The following POLR2E variants were observed in gnomAD, a reference collection of about 807,000 sequenced individuals.
POLR2E encodes the protein DNA-directed RNA polymerases I, II, and III subunit RPABC1.
In POLR2E, 35 loss-of-function variants were observed where a neutral mutation model predicts 29.8. That is an observed-to-expected ratio of 1.17 (90% confidence interval 0.90 to 1.55). The LOEUF is 1.55. Ranked by LOEUF, POLR2E falls within the 40% of genes most tolerant of loss-of-function variation. POLR2E has a pLI of 0.00. For missense variants in POLR2E, 287 were observed against 288.6 expected, an observed-to-expected ratio of 0.99 and a Z score of 0.04; for synonymous variants, 174 against 112.6, an observed-to-expected ratio of 1.55 and a Z score of -3.45.
rs2043920539 is a variant in POLR2E, at chr19:1,095,375, T to C, written c.-60A>G. On this transcript the variant is annotated 5_prime_UTR_variant, in exon 1 of 8. Transcript: ENST00000615234. ...TCTCCGCGCGAGAACCCGCGCGGAC[T>C]GCGCCTGCGCCGAATCCGAATCAGG... The C allele has an allele frequency of 1.9e-6, 3 of 1,599,436 alleles. No homozygotes were observed. The highest frequency in any genetic ancestry group is 2.6e-6 in the Non-Finnish European group (3 of 1,168,742).
intron 7 of POLR2E, among the ~76,000 whole-genome samples, chr19:1,088,986 C>G (rs1052609457): frequency 8.5e-5 from 13 of 152,226 alleles, no homozygotes; most frequent in Non-Finnish European, 1.6e-4. Context: ...AGGACAGCAG[C>G]TCGCCATGAC....
chr19:1,092,470 G>A (rs913735871), intron 2 of POLR2E: 4 of 152,390 alleles, frequency 2.6e-5, no homozygotes, highest in Admixed American at 6.5e-5. Context: ...GGGAGGTCAA[G>A]GTGGGCAGAT....
chr19:1,093,580 CCCA>C, intron 2 of POLR2E: 3 of 346,032 alleles, frequency 8.7e-6, no homozygotes, highest in Non-Finnish European at 9.6e-6. Context: ...TGGAAGTGCA[CCCA>C]ACGGCCAGGA....
intron 4 of POLR2E, 102 bp downstream of exon 4, chr19:1,090,806 G>A (rs1386191126): frequency 2.9e-6 from 3 of 1,018,362 alleles, no homozygotes; most frequent in South Asian, 1.5e-5. Flanking sequence ...GCACTAATAG[G>A]AACACCTGCC....
intron 4 of POLR2E, among the ~76,000 whole-genome samples, chr19:1,090,566 C>T (rs1023756104): frequency 3.3e-5 from 5 of 150,116 alleles, no homozygotes; most frequent in Non-Finnish European, 7.4e-5. Context: ...TACAGGCGCT[C>T]GCCACCACGC....
rs906660666 is a variant in POLR2E, at chr19:1,089,912, G to A, written c.539C>T (p.Ala180Val). Residue 180 changes from alanine (A) to valine (V), a missense_variant, in exon 6 of 8, where the codon GCG (alanine) becomes GTG (valine). Physicochemically the swap from Ala to Val is moderately conservative, Grantham distance 64 (BLOSUM62 0). Transcript: ENST00000615234. ...CCCACGCTTTATCCCAAAGTAGCGC[G>A]CCACAGGGTCCCCCGCCTGGATCCT... Reference protein sequence around the residue: ...LPRIQAGDPVARYFGIKRGQV... With the variant: ...LPRIQAGDPVVRYFGIKRGQV... 7 of 1,612,664 alleles carry A rather than the reference G, an allele frequency of 4.3e-6. No homozygotes were observed. Among genetic ancestry groups the A allele is most frequent in the Non-Finnish European group, 4.2e-6 (5 of 1,179,822 alleles).
chr19:1,094,238 A>G (rs1487572932), intron 1 of POLR2E, 160 bp from the exon 2 acceptor site: 4 of 617,782 alleles, frequency 6.5e-6, no homozygotes, highest in Non-Finnish European at 1.1e-5. Context: ...CCCGGCCCCC[A>G]CAGCCTCACA....
chr19:1,093,608 G>GATCATCAAAAA, intron 2 of POLR2E: 1 of 511,356 alleles, frequency 2.0e-6, no homozygotes, highest in Non-Finnish European at 3.0e-6. Context: ...GGAGCCAAGG[G>GATCATCAAAAA]ACACTAGGGC....
At position 1,086,749 on chromosome 19, in the gene POLR2E, AG is replaced by A. The variant is rs945600453; in HGVS notation, c.*1985del. The A allele has an allele frequency of 6.6e-6, 1 of 151,872 alleles. No homozygotes were observed. The highest frequency in any genetic ancestry group is 1.5e-5 in the Non-Finnish European group (1 of 67,848). 9.4% of individuals were successfully genotyped at this position (151,872 alleles called of 1,614,324 possible). The stretch of plus-strand genomic sequence containing the variant: ...GTGGCCCTGGGCCTCCCCCTAGGGG[AG>A]GGATGTGTGAGGAAGGGAACCCCCC... On this transcript the variant is annotated 3_prime_UTR_variant, in exon 8 of 8. Transcript: ENST00000615234.
intron 6 of POLR2E, 122 bp from the exon 7 acceptor site, chr19:1,089,673 G>C: frequency 1.1e-6 from 1 of 893,734 alleles, no homozygotes; most frequent in Admixed American, 2.0e-5. Flanking sequence ...CTGACCCTGG[G>C]CTGTGGGACC....
intron 2 of POLR2E, among the ~76,000 whole-genome samples, chr19:1,093,222 C>G (rs2043874726): frequency 6.6e-6 from 1 of 152,164 alleles, no homozygotes; most frequent in South Asian, 2.1e-4. Context: ...AAAAACCCAG[C>G]AGCGTCACCA....
intron 3 of POLR2E, chr19:1,091,387 G>A: frequency 2.7e-6 from 1 of 366,058 alleles, no homozygotes. Context: ...TGGCTCCAGA[G>A]TGTCCGACAG....
chr19:1,094,939 G>A lies in POLR2E; in HGVS notation c.57+320C>T, dbSNP rs756158395. The A allele has an allele frequency of 1.6e-4, 71 of 453,698 alleles. No individual in the cohort carries two copies. The Middle Eastern group carries it at 1.8e-3, about 11-fold the overall frequency. 28.1% of individuals were successfully genotyped at this position (453,698 alleles called of 1,614,324 possible). On this transcript the variant is annotated intron_variant, in intron 1 of 7. Coordinates refer to ENST00000615234, the MANE Select transcript of POLR2E (RefSeq NM_002695.5). ...AATAGCGACGCTGAATCACAGAGAA[G>A]GGCAGAGTCTGGGGGCGCCCCCCGT... is the stretch of plus-strand genomic sequence containing the variant.
In POLR2E at chr19:1,095,321, C is replaced by G. The variant is rs763237789; in HGVS notation, c.-6G>C. 14 of 1,611,914 alleles carry G rather than the reference C, an allele frequency of 8.7e-6. No homozygotes were observed. The highest frequency in any genetic ancestry group is 4.2e-6 in the Non-Finnish European group (5 of 1,179,510). ...GTCTCCTCCTCGTCGTCCATGGCAG[C>G]CTCCGCCGCCGCCGCCGCTCGCACC... On this transcript the variant is annotated 5_prime_UTR_variant, in exon 1 of 8. Coordinates refer to ENST00000615234, the MANE Select transcript of POLR2E (RefSeq NM_002695.5).
At chr19:1,093,758 CAAGGA>C (rs1342212156) in intron 2 of POLR2E, 141 bp downstream of exon 2, 1 of 1,414,476 alleles carries the variant, frequency 7.1e-7, no homozygotes, top group African/African-American at 1.5e-5. Flanking sequence ...TCACCCACAG[CAAGGA>C]AGGGGAGGGG....
Position 1,088,293 on chromosome 19 carries a change from GA to G in POLR2E, c.*441del, listed in dbSNP as rs1299249922. ...GTGGCTTGAGCGCGTGCATGGCTGT[GA>G]ATGGAGTAAAGAGCCGAGGCCGGGC... On this transcript the variant is annotated 3_prime_UTR_variant, in exon 8 of 8. Transcript: ENST00000615234. The G allele has an allele frequency of 6.6e-6, 1 of 152,386 alleles. No homozygotes were observed. The highest frequency in any genetic ancestry group is 1.5e-5 in the Non-Finnish European group (1 of 68,094). The allele number at this position is 152,386 out of a possible 1,614,324, so 9.4% of individuals were successfully genotyped here. A position where few individuals can be genotyped will look rare whatever the true frequency, so the allele number is the denominator to read the frequency against.
At position 1,087,608 on chromosome 19, in the gene POLR2E, C is replaced by T. The variant is rs1211702273; in HGVS notation, c.*1127G>A. 4 of 152,290 alleles carry T rather than the reference C, an allele frequency of 2.6e-5. No individual in the cohort carries two copies. The highest frequency in any genetic ancestry group is 3.8e-4 in the East Asian group (2 of 5,196). 9.4% of individuals were successfully genotyped at this position (152,290 alleles called of 1,614,324 possible). A position where few individuals can be genotyped will look rare whatever the true frequency, so the allele number is the denominator to read the frequency against. On this transcript the variant is annotated 3_prime_UTR_variant, in exon 8 of 8. Transcript: ENST00000615234. ...TCCAGTCTCTGACGACTCTAGTGAC[C>T]TCCTAGGAGTGACATCAGTGTTTGT...
At position 1,095,205 on chromosome 19, in the gene POLR2E, G is replaced by A. The variant is rs1284535613; in HGVS notation, c.57+54C>T. 5.7e-6 allele frequency: 9 copies of A among 1,566,754 alleles called. No homozygotes were observed. The South Asian group carries it at 8.9e-5, about 16-fold the overall frequency. ...GAGACGCCGTGCTCGACCCCACCTC[G>A]GGCCCCTACACCCGCCGCCCGCGCC... On this transcript the variant is annotated intron_variant, in intron 1 of 7. Coordinates refer to ENST00000615234, the MANE Select transcript of POLR2E (RefSeq NM_002695.5).
chr19:1,091,723 T>C, intron 3 of POLR2E, 69 bp downstream of exon 3: 1 of 1,046,474 alleles, frequency 9.6e-7, no homozygotes, highest in South Asian at 1.3e-5. Context: ...GTGGGCCGCC[T>C]GTGGGTACTG....
Sources: gnomAD v4.1 joint callset for allele counts (sites outside exome capture counted in the v4.1 genomes callset) on GRCh38, gnomAD v4.1.1 for gene constraint, MANE v1.5 for transcripts, NCBI Gene and HGNC (gene_info 2026-07-23, HGNC 2026-07-21) for gene names.